The following PIEZO2 variants were observed in gnomAD, a reference collection of about 807,000 sequenced individuals.
The protein encoded by PIEZO2 is piezo-type mechanosensitive ion channel component 2.
A neutral mutation model predicts 337.3 loss-of-function variants in PIEZO2; 172 were observed. The ratio of observed to expected loss-of-function variants is 0.51; its 90% CI spans 0.45 to 0.58. PIEZO2 has a LOEUF of 0.58. PIEZO2 is among the 20% of genes least tolerant of loss of function. The pLI, the probability that PIEZO2 is intolerant of heterozygous loss-of-function variation, is 0.00. For synonymous variants in PIEZO2, 1,251 were observed against 1,228.5 expected, an observed-to-expected ratio of 1.02 and a Z score of -0.38; for missense variants, 3,028 against 3,391.3, an observed-to-expected ratio of 0.89 and a Z score of 2.66.
chr18:10,818,715 A>T (rs977060536), intron 7 of PIEZO2, among the ~76,000 whole-genome samples: 1 of 152,220 alleles, frequency 6.6e-6, no homozygotes, highest in South Asian at 2.1e-4. Context: ...TTTCATTTAC[A>T]TACAGTATTG....
rs2035217193 is a variant in PIEZO2 at position 10,698,978 on chromosome 18, C to T, written c.6641G>A (p.Ser2214Asn). The change falls in exon 44 of 56, where the codon AGC (serine) becomes AAC (asparagine). Residue 2214 changes from serine (S) to asparagine (N), a missense_variant. This residue lies in a region of PIEZO2 where 1,925 missense variants were observed against 2,051.9 expected (regional missense o/e 0.94). Transcript: ENST00000674853. ...QTAVRRKRSG[S>N]SSEPSQRSSF... Reference sequence around the variant, plus strand: ...GGATCTCTGGGATGGCTCGGAGCTGCTGCCGGAGCGCTTCCTCCGGACAGC... The same window carrying T: ...GGATCTCTGGGATGGCTCGGAGCTGTTGCCGGAGCGCTTCCTCCGGACAGC... The T allele has an allele frequency of 6.5e-7, 1 of 1,536,932 alleles. No individual in the cohort carries two copies. The highest frequency in any genetic ancestry group is 1.2e-5 in the South Asian group (1 of 84,064).
chr18:10,737,298 C>A (rs11080454), intron 33 of PIEZO2, among the ~76,000 whole-genome samples: 1,165 of 104,498 alleles, frequency 0.011, 23 homozygotes, highest in East Asian at 0.036. Flanking sequence ...AAAAAAAAAA[C>A]AAAAAAACAC....
chr18:10,999,307 T>C (rs986260841), intron 2 of PIEZO2, among the ~76,000 whole-genome samples: 18 of 152,160 alleles, frequency 1.2e-4, no homozygotes, highest in African/African-American at 4.3e-4. Context: ...GATATTTTGA[T>C]CTTTTATTTA....
Position 11,032,478 on chromosome 18 carries a change from C to T in PIEZO2, c.160+33649G>A, listed in dbSNP as rs572609013. Among the ~76,000 whole-genome samples the T allele has an allele frequency of 6.6e-6, 1 of 152,136 alleles. No homozygotes were observed. The highest frequency in any genetic ancestry group is 2.1e-4 in the South Asian group (1 of 4,828). On this transcript the variant is annotated intron_variant, in intron 2 of 55. Coordinates refer to ENST00000674853, the MANE Select transcript of PIEZO2 (RefSeq NM_001378183.1). This position sits in a 1 kb window ranked among gnomAD's most constrained non-coding sequence, Gnocchi z 4.9. The stretch of plus-strand genomic sequence containing the variant: ...TACGGAGCTATTCTTGGCATGCTCT[C>T]GAGTAAGTGTAAATGTGTTAGCCAG...
chr18:10,755,836 A>G (rs1439880540), intron 27 of PIEZO2, among the ~76,000 whole-genome samples: 3 of 151,760 alleles, frequency 2.0e-5, no homozygotes, highest in Non-Finnish European at 4.4e-5. Flanking sequence ...AGGGATGAGG[A>G]GGAGAGATGG....
chr18:11,113,833 G>T (rs2039808485), intron 1 of PIEZO2, among the ~76,000 whole-genome samples: 1 of 152,230 alleles, frequency 6.6e-6, no homozygotes, highest in Non-Finnish European at 1.5e-5. Flanking sequence ...AGTGGAGGAT[G>T]TCCACCTTCG....
At chr18:10,857,940 T>C (rs1355529657) in intron 5 of PIEZO2, among the ~76,000 whole-genome samples, 1 of 152,128 alleles carries the variant, frequency 6.6e-6, no homozygotes, top group Non-Finnish European at 1.5e-5. Context: ...ATGGGAAAAA[T>C]TCTTTGGCTA....
In PIEZO2 at chr18:10,988,182, T is replaced by C. The variant is rs1687276383; in HGVS notation, c.161-8522A>G. On this transcript the variant is annotated intron_variant, in intron 2 of 55. Coordinates refer to ENST00000674853, the MANE Select transcript of PIEZO2 (RefSeq NM_001378183.1). This position sits in a 1 kb window ranked among gnomAD's most constrained non-coding sequence, Gnocchi z 4.8. The stretch of plus-strand genomic sequence containing the variant: ...TCATTCCCGTTCAGCCATTTTGCCA[T>C]GTGAGGACACAGTGTCCATCCCCTC... Among the ~76,000 whole-genome samples, 1 of 152,136 alleles carries C rather than the reference T, an allele frequency of 6.6e-6. No individual in the cohort carries two copies. Among genetic ancestry groups the C allele is most frequent in the Non-Finnish European group, 1.5e-5 (1 of 68,026 alleles).
chr18:11,079,450 A>G (rs1024322768), intron 1 of PIEZO2, among the ~76,000 whole-genome samples: 1 of 152,210 alleles, frequency 6.6e-6, no homozygotes, highest in Admixed American at 6.5e-5. Context: ...TATCACTTGA[A>G]AAAGTCAAGC....
intron 7 of PIEZO2, among the ~76,000 whole-genome samples, chr18:10,849,546 C>T (rs1462227457): frequency 6.6e-6 from 1 of 152,200 alleles, no homozygotes; most frequent in Non-Finnish European, 1.5e-5. Flanking sequence ...GCACCATCTG[C>T]ATCGTTAACG....
At chr18:11,045,226 G>T (rs763795688) in intron 2 of PIEZO2, among the ~76,000 whole-genome samples, 1 of 147,446 alleles carries the variant, frequency 6.8e-6, no homozygotes, top group East Asian at 2.0e-4. Flanking sequence ...GCGTGAACCC[G>T]GGAGGCAGAG....
At chr18:10,729,484 C>T (rs1393455400) in intron 36 of PIEZO2, among the ~76,000 whole-genome samples, 1 of 151,850 alleles carries the variant, frequency 6.6e-6, no homozygotes, top group Non-Finnish European at 1.5e-5. Context: ...CATTGCTAGG[C>T]GTGGTGGTGT....
rs1445951887 is a variant in PIEZO2 at position 11,143,918 on chromosome 18, C to A, written c.64+4607G>T. ...CTATCTCACAACCATGCATGTAATT[C>A]TTGAGTGTTAAAAGCGAAACAAAAC... is the stretch of plus-strand genomic sequence containing the variant. On this transcript the variant is annotated intron_variant, in intron 1 of 55. Coordinates refer to ENST00000674853, the MANE Select transcript of PIEZO2 (RefSeq NM_001378183.1). This position sits in a 1 kb window ranked among gnomAD's most constrained non-coding sequence, Gnocchi z 4.9. Among the ~76,000 whole-genome samples, 2 of 152,288 alleles carry A rather than the reference C, an allele frequency of 1.3e-5. No individual in the cohort carries two copies. Among genetic ancestry groups the A allele is most frequent in the Non-Finnish European group, 2.9e-5 (2 of 68,020 alleles).
intron 2 of PIEZO2, among the ~76,000 whole-genome samples, chr18:11,045,616 C>T (rs1278298193): frequency 6.6e-6 from 1 of 152,156 alleles, no homozygotes; most frequent in Non-Finnish European, 1.5e-5. Flanking sequence ...TTTGTGCCAG[C>T]TCAGCTGGGA....
At chr18:11,055,620 A>G (rs1338696968) in intron 2 of PIEZO2, among the ~76,000 whole-genome samples, 1 of 150,460 alleles carries the variant, frequency 6.6e-6, no homozygotes, top group Non-Finnish European at 1.5e-5. Context: ...TGACTCAGTG[A>G]CTATTTGTGT....
At chr18:10,812,455 A>T (rs1254793924) in intron 7 of PIEZO2, among the ~76,000 whole-genome samples, 3 of 152,192 alleles carry the variant, frequency 2.0e-5, no homozygotes, top group Non-Finnish European at 2.9e-5. Context: ...TGATGAAATC[A>T]TCTGTATACC....
intron 1 of PIEZO2, among the ~76,000 whole-genome samples, chr18:11,073,629 C>A (rs1405335981): frequency 6.6e-6 from 1 of 152,176 alleles, no homozygotes. Flanking sequence ...AAAAATCCAG[C>A]TTCACTTACT....
Position 10,871,353 on chromosome 18 carries a change from A to G in PIEZO2, c.392T>C (p.Ile131Thr), listed in dbSNP as rs778605742. 1.3e-5 allele frequency: 20 copies of G among 1,537,236 alleles called. No individual in the cohort carries two copies. Among genetic ancestry groups the G allele is most frequent in the Non-Finnish European group, 1.7e-5 (20 of 1,146,858 alleles). ...RVFVPDIGMFIASLTIWLLCR... is the reference protein window; with the variant it reads ...RVFVPDIGMFTASLTIWLLCR... ...GAGGAGCCAGATGGTCAGACTAGCAATGAACATCCCGATGTCAGGTACAAA... is the reference window on the plus strand; with the variant it reads ...GAGGAGCCAGATGGTCAGACTAGCAGTGAACATCCCGATGTCAGGTACAAA... Residue 131 changes from isoleucine (I) to threonine (T), a missense_variant, in exon 5 of 56, where the codon ATT (isoleucine) becomes ACT (threonine). Ile to Thr is a moderately conservative substitution (Grantham distance 89, BLOSUM62 -1). This residue lies in a region of PIEZO2 where 542 missense variants were observed against 605.6 expected (regional missense o/e 0.89). Coordinates refer to ENST00000674853, the MANE Select transcript of PIEZO2 (RefSeq NM_001378183.1).
At chr18:10,742,411 G>A (rs2037260552) in intron 32 of PIEZO2, 83 bp downstream of exon 32, 2 of 1,424,090 alleles carry the variant, frequency 1.4e-6, no homozygotes, top group Non-Finnish European at 9.4e-7. Context: ...AGAATAAGAA[G>A]TAATGTTATT....
Sources: allele counts gnomAD v4.1 joint callset (sites outside exome capture counted in the v4.1 genomes callset), GRCh38; gene constraint gnomAD v4.1.1; regional missense constraint gnomAD v4.1.1; non-coding constraint Gnocchi (gnomAD v3.1); transcripts MANE v1.5; gene names NCBI Gene and HGNC (gene_info 2026-07-23, HGNC 2026-07-21).